LRGUK: variants seen among roughly 807,000 people sequenced by gnomAD.
The protein encoded by LRGUK is leucine-rich repeat and guanylate kinase domain-containing protein.
LRGUK carries 65 observed loss-of-function variants against 76.0 expected under a neutral mutation model. The ratio of observed to expected loss-of-function variants is 0.85; its 90% CI spans 0.70 to 1.05. The LOEUF (loss-of-function observed/expected upper bound fraction) is 1.05. Among genes scored for constraint, LRGUK ranks in the 50% least tolerant of loss-of-function variants. LRGUK has a pLI of 0.00. For synonymous variants in LRGUK, 268 were observed against 265.6 expected (o/e 1.01, Z -0.09); for missense variants, 758 against 732.8 (o/e 1.03, Z -0.40).
intron 16 of LRGUK, among the ~76,000 whole-genome samples, chr7:134,232,654 C>T (rs1014647954): frequency 2.0e-5 from 3 of 152,006 alleles, no homozygotes; most frequent in African/African-American, 7.3e-5. Flanking sequence ...GAAGAAATGC[C>T]CAAGAATATT....
chr7:134,259,919 C>T (rs1200383608), intron 19 of LRGUK, among the ~76,000 whole-genome samples: 1 of 152,182 alleles, frequency 6.6e-6, no homozygotes, highest in Non-Finnish European at 1.5e-5. Flanking sequence ...CCGTCCCCAT[C>T]TCATTTCCTC....
downstream of LRGUK, among the ~76,000 whole-genome samples, chr7:134,213,568 T>C (rs1801352653): frequency 6.6e-6 from 1 of 152,228 alleles, no homozygotes. Context: ...AATTTTCCTC[T>C]TCGGGCGCCT....
rs536995601 is a variant in LRGUK, at chr7:134,166,689, T to A, written c.939+3149T>A. 2.6e-5 allele frequency among the ~76,000 whole-genome samples: 4 copies of A among 152,298 alleles called. No homozygotes were observed. The East Asian group carries it at 7.7e-4, about 29-fold the overall frequency. ...GCAGTGCTCTGGCTTTCCTTCTAAATCATTCTCTTGAATGCTGACGGAGAC... is the reference window on the plus strand; with the variant it reads ...GCAGTGCTCTGGCTTTCCTTCTAAAACATTCTCTTGAATGCTGACGGAGAC... On this transcript the variant is annotated intron_variant, in intron 7 of 15. Coordinates refer to ENST00000645682, the Ensembl canonical transcript of LRGUK.
intron 18 of LRGUK, among the ~76,000 whole-genome samples, chr7:134,254,269 G>A (rs1259646371): frequency 1.3e-5 from 2 of 152,268 alleles, no homozygotes; most frequent in East Asian, 3.9e-4. Context: ...CTTTTGGGGA[G>A]CAATTAGGAA....
chr7:134,263,509 C>T (rs562751305), intron 19 of LRGUK, among the ~76,000 whole-genome samples: 30 of 149,536 alleles, frequency 2.0e-4, no homozygotes, highest in African/African-American at 7.1e-4. Flanking sequence ...TGAGTGCTTG[C>T]TGTAGCATCC....
intron 18 of LRGUK, among the ~76,000 whole-genome samples, chr7:134,252,011 A>G (rs113505992): frequency 2.6e-5 from 4 of 152,194 alleles, no homozygotes; most frequent in African/African-American, 9.6e-5. Context: ...ATTGGGAAAC[A>G]AGGTCTCCTA....
Position 134,256,459 on chromosome 7 carries a change from CAAAAA to C in LRGUK, c.2199-1781_2199-1777del, listed in dbSNP as rs34522132. On this transcript the variant is annotated intron_variant, in intron 18 of 19. Coordinates refer to the LRGUK transcript ENST00000285928. Reference sequence around the variant, plus strand: ...GGGCAACAAGAGCGAAACTCTGTCTCAAAAAAAAAAAAAAAAAAAAAGTCCACTCC... The same window carrying C: ...GGGCAACAAGAGCGAAACTCTGTCTCAAAAAAAAAAAAAAAAGTCCACTCC... 3.2e-3 allele frequency among the ~76,000 whole-genome samples: 183 copies of C among 57,504 alleles called. 1 individual carries two copies. Among genetic ancestry groups the C allele is most frequent in the African/African-American group, 9.2e-3 (171 of 18,542 alleles). The allele number at this position is 57,504 out of a possible 152,430, so 37.7% of individuals were successfully genotyped here.
In LRGUK at chr7:134,140,054, C is replaced by T. The variant is rs140947257; in HGVS notation, c.487+537C>T. Reference sequence around the variant, plus strand: ...CATGATCACAACTCACTGCAACCTCCGCCTCCTGGGTTCAAGTGATTATCC... The same window carrying T: ...CATGATCACAACTCACTGCAACCTCTGCCTCCTGGGTTCAAGTGATTATCC... On this transcript the variant is annotated intron_variant, in intron 3 of 15. Coordinates refer to ENST00000645682, the Ensembl canonical transcript of LRGUK. 4.2e-3 allele frequency among the ~76,000 whole-genome samples: 633 copies of T among 152,196 alleles called. 7 individuals are homozygous for T. Among genetic ancestry groups the T allele is most frequent in the African/African-American group, 0.013 (522 of 41,526 alleles).
intron 10 of LRGUK, among the ~76,000 whole-genome samples, chr7:134,182,171 A>G (rs545681000): frequency 4.6e-5 from 7 of 152,228 alleles, no homozygotes; most frequent in South Asian, 2.1e-4. Context: ...GAGTTGTTGC[A>G]TGAATCAGTA....
intron 7 of LRGUK, among the ~76,000 whole-genome samples, chr7:134,163,948 A>G (rs1043093497): frequency 6.6e-6 from 1 of 152,182 alleles, no homozygotes; most frequent in Non-Finnish European, 1.5e-5. Flanking sequence ...GTCTAGGGCC[A>G]TGATGGGGGG....
intron 1 of LRGUK, 67 bp from the exon 2 acceptor site, chr7:134,136,956 G>A: frequency 7.7e-7 from 1 of 1,297,126 alleles, no homozygotes; most frequent in South Asian, 1.3e-5. Context: ...TGCTGGATAT[G>A]ACAAGATAGA....
At chr7:134,172,508 G>GGA (rs1799298385) in intron 7 of LRGUK, among the ~76,000 whole-genome samples, 2 of 152,110 alleles carry the variant, frequency 1.3e-5, no homozygotes, top group African/African-American at 4.8e-5. Flanking sequence ...CCTTGAAGTG[G>GGA]GAGAACTGGT....
At chr7:134,255,261 AC>A (rs1802547963) in intron 18 of LRGUK, among the ~76,000 whole-genome samples, 4 of 150,870 alleles carry the variant, frequency 2.7e-5, no homozygotes, top group Admixed American at 2.0e-4. Context: ...ACACACACAC[AC>A]ACAAATTTAT....
At chr7:134,148,443 C>G (rs1798068647) in intron 5 of LRGUK, 124 bp downstream of exon 5, 1 of 615,836 alleles carries the variant, frequency 1.6e-6, no homozygotes, top group African/African-American at 2.0e-5. Flanking sequence ...AGAGACGTGA[C>G]TTATTTAAAG....
chr7:134,245,077 C>T (rs1054334077), intron 16 of LRGUK, among the ~76,000 whole-genome samples: 1 of 151,982 alleles, frequency 6.6e-6, no homozygotes, highest in Non-Finnish European at 1.5e-5. Flanking sequence ...AGGAGATATA[C>T]CTAATGTAAA....
intron 3 of LRGUK, among the ~76,000 whole-genome samples, chr7:134,142,031 C>T (rs17167483): frequency 0.12 from 18,750 of 152,118 alleles, 1,457 homozygotes; most frequent in East Asian, 0.32. Context: ...CAGGGCAGGG[C>T]CCCAACTACT....
rs559650677 is a variant in LRGUK at position 134,159,472 on chromosome 7, A to T, written c.795+1313A>T. On this transcript the variant is annotated intron_variant, in intron 6 of 15. Transcript: ENST00000645682. ...CTATGTGTTAGTTTTTCTTTCCCTT[A>T]GCTTAGAGCTCGAAGTGCTTTCTTA... Among the ~76,000 whole-genome samples, 209 of 152,120 alleles carry T rather than the reference A, an allele frequency of 1.4e-3. 4 individuals carry two copies. The South Asian group carries it at 0.041, about 30-fold the overall frequency.
chr7:134,266,733 T>A (rs1048212592), downstream of LRGUK, among the ~76,000 whole-genome samples: 3 of 152,150 alleles, frequency 2.0e-5, no homozygotes, highest in Non-Finnish European at 2.9e-5. Flanking sequence ...TGAAAAATAT[T>A]TTTTTTAAAA....
At chr7:134,153,324 G>A (rs76469891) in intron 5 of LRGUK, among the ~76,000 whole-genome samples, 2,613 of 151,920 alleles carry the variant, frequency 0.017, 79 homozygotes, top group African/African-American at 0.055. Context: ...ATTTTGTTAT[G>A]CTATTTTGTC....
Sources: allele counts gnomAD v4.1 joint callset (sites outside exome capture counted in the v4.1 genomes callset), GRCh38; gene constraint gnomAD v4.1.1; transcripts MANE v1.5; gene names NCBI Gene and HGNC (gene_info 2026-07-23, HGNC 2026-07-21).